The following RPS6KC1 variants were observed in gnomAD, a reference collection of about 807,000 sequenced individuals.
The protein encoded by RPS6KC1 is ribosomal protein S6 kinase C1, also known as inactive ribosomal protein S6 kinase delta-1.
A neutral mutation model predicts 103.8 loss-of-function variants in RPS6KC1; 54 were observed. The observed-to-expected ratio is 0.52, with a 90% CI of 0.42 to 0.65. RPS6KC1 has a LOEUF of 0.65. Ranked by LOEUF, RPS6KC1 falls within the 30% of genes least tolerant of loss-of-function variation. The pLI, the probability that RPS6KC1 is intolerant of heterozygous loss-of-function variation, is 0.00. For synonymous variants in RPS6KC1, 439 were observed against 438.7 expected (o/e 1.00, Z -0.01); for missense variants, 1,151 against 1,253.8 (o/e 0.92, Z 1.24).
chr1:213,663,732 C>G, the RPS6KC1 span, among the ~76,000 whole-genome samples: 1 of 152,118 alleles, frequency 6.6e-6, no homozygotes, highest in Non-Finnish European at 1.5e-5. Flanking sequence ...AGGTGCAGAC[C>G]CTCACAGGTG....
chr1:213,221,434 T>C (rs2148784300), intron 8 of RPS6KC1, among the ~76,000 whole-genome samples: 1 of 152,266 alleles, frequency 6.6e-6, no homozygotes, highest in Admixed American at 6.5e-5. Flanking sequence ...ATCTTGGGGC[T>C]TTGATGCATA....
chr1:213,079,910 C>CT (rs948756443), intron 3 of RPS6KC1, among the ~76,000 whole-genome samples: 2 of 146,372 alleles, frequency 1.4e-5, no homozygotes, highest in African/African-American at 2.5e-5. Context: ...ACCATTTTTT[C>CT]TTTTTTTCTT....
At chr1:213,173,302 A>G (rs1242938568) in intron 7 of RPS6KC1, among the ~76,000 whole-genome samples, 2 of 152,204 alleles carry the variant, frequency 1.3e-5, no homozygotes, top group African/African-American at 4.8e-5. Context: ...GTTAAAGTAA[A>G]AAGAGAACTT....
the RPS6KC1 span, among the ~76,000 whole-genome samples, chr1:213,632,245 C>T: frequency 4.6e-5 from 7 of 152,126 alleles, no homozygotes; most frequent in South Asian, 2.1e-4. Flanking sequence ...TGTGAACATA[C>T]GTTTTCATTT....
chr1:213,153,850 T>C (rs530547152), intron 6 of RPS6KC1, among the ~76,000 whole-genome samples: 1 of 152,318 alleles, frequency 6.6e-6, no homozygotes, highest in Non-Finnish European at 1.5e-5. Context: ...GCTATACTCT[T>C]CTAGGGTAAA....
intron 6 of RPS6KC1, among the ~76,000 whole-genome samples, chr1:213,152,649 G>T (rs1255977520): frequency 2.0e-5 from 3 of 150,264 alleles, no homozygotes; most frequent in Non-Finnish European, 4.5e-5. Context: ...ATGGGCGGCC[G>T]GGCAGAGACG....
At chr1:213,539,046 G>A in the RPS6KC1 span, among the ~76,000 whole-genome samples, 2 of 152,134 alleles carry the variant, frequency 1.3e-5, no homozygotes, top group African/African-American at 4.8e-5. Context: ...TGCAATGTTG[G>A]GTAACTGAAG....
In RPS6KC1 at chr1:213,137,752, G is replaced by GCTCTCTCTCTCTCTCTCT. The variant is rs149436919; in HGVS notation, c.835+7872_835+7889dup. Among the ~76,000 whole-genome samples, 31 of 12,198 alleles carry GCTCTCTCTCTCTCTCTCT rather than the reference G, an allele frequency of 2.5e-3. 2 individuals carry two copies. The highest frequency in any genetic ancestry group is 3.3e-3 in the African/African-American group (18 of 5,496). 8.0% of individuals were successfully genotyped at this position (12,198 alleles called of 152,430 possible). A position where few individuals can be genotyped will look rare whatever the true frequency, so the allele number is the denominator to read the frequency against. The stretch of plus-strand genomic sequence containing the variant: ...CTGTGCTTTGGTTTAAGTCCAGTTT[G>GCTCTCTCTCTCTCTCTCT]CTCTCTCTCTCTCTCTCTCTCTCTC... On this transcript the variant is annotated intron_variant, in intron 6 of 14. Transcript: ENST00000366960.
chr1:213,149,973 T>C (rs1391538850), intron 6 of RPS6KC1, among the ~76,000 whole-genome samples: 2 of 152,216 alleles, frequency 1.3e-5, no homozygotes, highest in Non-Finnish European at 2.9e-5. Flanking sequence ...GAAAAAATAT[T>C]TTTTAGTTTC....
At chr1:213,496,247 T>C in the RPS6KC1 span, among the ~76,000 whole-genome samples, 1 of 151,930 alleles carries the variant, frequency 6.6e-6, no homozygotes, top group African/African-American at 2.4e-5. Flanking sequence ...ACAATAAATA[T>C]AAATATGCTA....
At chr1:213,754,768 A>G in the RPS6KC1 span, among the ~76,000 whole-genome samples, 10 of 152,340 alleles carry the variant, frequency 6.6e-5, no homozygotes, top group African/African-American at 2.4e-4. Flanking sequence ...GTGCAAGAAC[A>G]GACTACTACA....
chr1:213,320,676 C>A, the RPS6KC1 span, among the ~76,000 whole-genome samples: 3 of 152,212 alleles, frequency 2.0e-5, no homozygotes, highest in South Asian at 2.1e-4. Flanking sequence ...CTTCTCCCTC[C>A]GGGATCATCA....
chr1:213,096,528 G>T (rs2081468472), intron 3 of RPS6KC1, among the ~76,000 whole-genome samples: 1 of 152,110 alleles, frequency 6.6e-6, no homozygotes, highest in Admixed American at 6.5e-5. Context: ...AGCCGGACAT[G>T]GTGGTATACG....
the RPS6KC1 span, among the ~76,000 whole-genome samples, chr1:213,466,612 A>G: frequency 1.3e-5 from 2 of 152,350 alleles, no homozygotes; most frequent in Admixed American, 1.3e-4. Context: ...CTTCATGCAG[A>G]GAAATGAATG....
the RPS6KC1 span, among the ~76,000 whole-genome samples, chr1:213,663,143 T>C: frequency 1.3e-5 from 2 of 152,244 alleles, no homozygotes; most frequent in Non-Finnish European, 2.9e-5. Context: ...ATTGTGAGGA[T>C]TAAATGTATG....
chr1:213,570,542 C>T, the RPS6KC1 span, among the ~76,000 whole-genome samples: 3 of 152,050 alleles, frequency 2.0e-5, no homozygotes, highest in Non-Finnish European at 4.4e-5. Context: ...CATGTGCTAC[C>T]AGTTTTTTTA....
chr1:213,708,093 T>A, the RPS6KC1 span, among the ~76,000 whole-genome samples: 1 of 152,242 alleles, frequency 6.6e-6, no homozygotes, highest in African/African-American at 2.4e-5. Flanking sequence ...CAATGGTAGC[T>A]TGATAGGAAT....
At chr1:213,177,799 C>G (rs1012566025) in intron 8 of RPS6KC1, among the ~76,000 whole-genome samples, 1 of 152,156 alleles carries the variant, frequency 6.6e-6, no homozygotes, top group Non-Finnish European at 1.5e-5. Context: ...TCTGCCCCCT[C>G]TCTTAGATCT....
intron 8 of RPS6KC1, among the ~76,000 whole-genome samples, chr1:213,195,823 T>TGG (rs780966100): frequency 6.8e-6 from 1 of 148,008 alleles, no homozygotes; most frequent in African/African-American, 2.6e-5. Context: ...TATTCCATGG[T>TGG]GTGTGTGTGT....
Sources: allele counts gnomAD v4.1 joint callset (sites outside exome capture counted in the v4.1 genomes callset), GRCh38; gene constraint gnomAD v4.1.1; transcripts MANE v1.5; gene names NCBI Gene and HGNC (gene_info 2026-07-23, HGNC 2026-07-21).